The following COL6A6 variants were observed in gnomAD, a reference collection of about 807,000 sequenced individuals.
COL6A6 encodes collagen type VI alpha 6 chain.
Under a neutral mutation model 208.6 loss-of-function variants are expected in COL6A6, and 183 were observed. The ratio of observed to expected loss-of-function variants is 0.88; its 90% CI spans 0.78 to 0.99. The LOEUF is 0.99. COL6A6 is among the 50% of genes least tolerant of loss of function. COL6A6 has a pLI of 0.00. For missense variants in COL6A6, 2,816 were observed against 2,815.2 expected, an observed-to-expected ratio of 1.00 and a Z score of -0.01; for synonymous variants, 973 against 1,011.8, an observed-to-expected ratio of 0.96 and a Z score of 0.73.
chr3:130,596,124 T>G (rs1279062652), intron 18 of COL6A6, among the ~76,000 whole-genome samples: 1 of 151,512 alleles, frequency 6.6e-6, no homozygotes, highest in Non-Finnish European at 1.5e-5. Context: ...GCAACTGTAT[T>G]TAAAAACAGA....
chr3:130,520,521 G>A (rs1711006160), intron 1 of COL6A6, among the ~76,000 whole-genome samples: 1 of 152,176 alleles, frequency 6.6e-6, no homozygotes, highest in Non-Finnish European at 1.5e-5. Context: ...TATAAGTCAT[G>A]TACAGAAGAA....
At chr3:130,573,563 CTTTTT>C (rs55821593) in intron 7 of COL6A6, among the ~76,000 whole-genome samples, 2 of 84,534 alleles carry the variant, frequency 2.4e-5, no homozygotes, top group African/African-American at 4.0e-5. Flanking sequence ...TAGCTGCAAA[CTTTTT>C]TTTTTTTTTT....
At chr3:130,593,323 CTCAG>C (rs1319608982) in intron 17 of COL6A6, 71 bp downstream of exon 17, 12 of 1,181,818 alleles carry the variant, frequency 1.0e-5, no homozygotes, top group African/African-American at 1.5e-5. Context: ...GAGTAGAATA[CTCAG>C]TCAGCTATTG....
rs556684184 is a variant in COL6A6, at chr3:130,572,625, G to A, written c.2977+1232G>A. 1.1e-3 allele frequency among the ~76,000 whole-genome samples: 172 copies of A among 152,166 alleles called. 1 individual carries two copies. The highest frequency in any genetic ancestry group is 3.8e-3 in the African/African-American group (159 of 41,512). ...TTCCTTGTAGCCATTGTCTAAAATT[G>A]GATCTATCCTTCTCCAGTTCACTGT... On this transcript the variant is annotated intron_variant, in intron 7 of 36. Coordinates refer to ENST00000358511, the MANE Select transcript of COL6A6 (RefSeq NM_001102608.3).
At position 130,675,793 on chromosome 3, in the gene COL6A6, CTATT is replaced by C. The variant is rs1239905275; in HGVS notation, c.*399_*402del. Reference sequence around the variant, plus strand: ...TAATTTAGTAATGTCTAATGCTCATCTATTTAGTCAAAGTTATTTTTTAATGTTT... The same window carrying C: ...TAATTTAGTAATGTCTAATGCTCATCTAGTCAAAGTTATTTTTTAATGTTT... On this transcript the variant is annotated 3_prime_UTR_variant, in exon 37 of 37. Transcript: ENST00000358511. 2 of 155,528 alleles carry C rather than the reference CTATT, an allele frequency of 1.3e-5. No individual in the cohort carries two copies. The highest frequency in any genetic ancestry group is 4.8e-5 in the African/African-American group (2 of 41,550). 9.6% of individuals were successfully genotyped at this position (155,528 alleles called of 1,614,324 possible).
In COL6A6 at chr3:130,580,174, C is replaced by T. The variant is rs573179624; in HGVS notation, c.3548-1387C>T. 5.3e-5 allele frequency among the ~76,000 whole-genome samples: 8 copies of T among 152,256 alleles called. No individual in the cohort carries two copies. In the South Asian group the frequency reaches 1.7e-3, roughly 32 times the overall value. ...GGTTTTCTGCTCAGGTTTAAACAGT[C>T]ATCATCAAAAATGAAACTTTCAAGC... On this transcript the variant is annotated intron_variant, in intron 8 of 36. Coordinates refer to ENST00000358511, the MANE Select transcript of COL6A6 (RefSeq NM_001102608.3).
Position 130,526,250 on chromosome 3 carries a change from G to A in COL6A6, c.-32+8853G>A, listed in dbSNP as rs149580198. On this transcript the variant is annotated intron_variant, in intron 1 of 36. Coordinates refer to ENST00000358511, the MANE Select transcript of COL6A6 (RefSeq NM_001102608.3). ...AGAGATCTGAGTGAATATGGGAGGA[G>A]AATATGAGTCCCTCTTTGTGAAGTC... Among the ~76,000 whole-genome samples the A allele has an allele frequency of 2.6e-3, 395 of 152,230 alleles. 2 individuals carry two copies. The highest frequency in any genetic ancestry group is 0.012 in the South Asian group (56 of 4,820).
intron 12 of COL6A6, among the ~76,000 whole-genome samples, chr3:130,589,645 A>G (rs1309229863): frequency 1.3e-5 from 2 of 152,244 alleles, no homozygotes; most frequent in African/African-American, 2.4e-5. Flanking sequence ...TGTCTCATTC[A>G]TCTTAAGCCA....
In COL6A6 at chr3:130,565,408, G is replaced by A. The variant is rs199516958; in HGVS notation, c.1076G>A (p.Gly359Asp). The A allele has an allele frequency of 8.9e-4, 1,435 of 1,613,870 alleles. No homozygotes were observed. The highest frequency in any genetic ancestry group is 1.2e-3 in the Non-Finnish European group (1,363 of 1,179,860). Residue 359 changes from glycine to aspartate, a missense_variant, in exon 4 of 37, where the codon GGT (glycine) becomes GAT (aspartate). Coordinates refer to ENST00000358511, the MANE Select transcript of COL6A6 (RefSeq NM_001102608.3). ...GCAGCTGTTAACCTCCGACGGGAGG[G>A]TGTGACCATCTTCACCCTGGGCATA... is the stretch of plus-strand genomic sequence containing the variant. ...TKAAVNLRRE[G>D]VTIFTLGIEG...
intron 1 of COL6A6, among the ~76,000 whole-genome samples, chr3:130,549,461 G>C (rs931430214): frequency 3.3e-5 from 5 of 152,104 alleles, no homozygotes; most frequent in African/African-American, 1.2e-4. Context: ...TGAAATCTTT[G>C]CTAGGTCCCA....
intron 29 of COL6A6, among the ~76,000 whole-genome samples, chr3:130,642,020 T>C (rs2065325647): frequency 6.6e-6 from 1 of 152,152 alleles, no homozygotes; most frequent in South Asian, 2.1e-4. Context: ...TAAATGATCA[T>C]TGGATGAATG....
Position 130,649,235 on chromosome 3 carries a change from CCT to C in COL6A6, c.5410_5411del (p.Ser1804LeufsTer2). ...GCCCCGTGGGAGCGCACATCGCCAT[CCT>C]CTCCTATAACTCCCACGCCAGGCAC... Reference protein sequence around the residue: ...SCPVGAHIAILSYNSHARHLV... With the variant: ...SCPVGAHIAIXSYNSHARHLV... On this transcript the variant is annotated frameshift_variant, in exon 33 of 37. Coordinates refer to ENST00000358511, the MANE Select transcript of COL6A6 (RefSeq NM_001102608.3). LOFTEE classifies it high-confidence loss of function. The C allele has an allele frequency of 6.3e-7, 1 of 1,593,130 alleles. No individual in the cohort carries two copies. The highest frequency in any genetic ancestry group is 8.5e-7 in the Non-Finnish European group (1 of 1,169,956).
intron 33 of COL6A6, among the ~76,000 whole-genome samples, chr3:130,650,905 G>A (rs763803144): frequency 6.6e-6 from 1 of 152,186 alleles, no homozygotes; most frequent in Non-Finnish European, 1.5e-5. Context: ...TCACTCACCT[G>A]TGGAGGGTGA....
At position 130,675,644 on chromosome 3, in the gene COL6A6, A is replaced by C. The variant is rs1166907542; in HGVS notation, c.*247A>C. On this transcript the variant is annotated 3_prime_UTR_variant, in exon 37 of 37. Transcript: ENST00000358511. ...ACAGAAGAATGAAAGAAGTGTTTTGAAAAGTCTAATGGAGATATAATTTGA... is the reference window on the plus strand; with the variant it reads ...ACAGAAGAATGAAAGAAGTGTTTTGCAAAGTCTAATGGAGATATAATTTGA... 1 of 375,850 alleles carries C rather than the reference A, an allele frequency of 2.7e-6. No homozygotes were observed. Among genetic ancestry groups the C allele is most frequent in the East Asian group, 4.0e-5 (1 of 25,122 alleles). 23.3% of individuals were successfully genotyped at this position (375,850 alleles called of 1,614,324 possible).
At chr3:130,668,889 T>C (rs1168497151) in intron 36 of COL6A6, among the ~76,000 whole-genome samples, 2 of 152,148 alleles carry the variant, frequency 1.3e-5, no homozygotes, top group African/African-American at 4.8e-5. Context: ...AAGTAACAAA[T>C]GATTTAATAG....
At chr3:130,523,190 A>T (rs955306579) in intron 1 of COL6A6, among the ~76,000 whole-genome samples, 17 of 151,984 alleles carry the variant, frequency 1.1e-4, no homozygotes, top group Admixed American at 6.6e-5. Flanking sequence ...TTCTACCTAA[A>T]ACCATATTCT....
rs573743448 is a variant in COL6A6, at chr3:130,538,235, G to A, written c.-32+20838G>A. Among the ~76,000 whole-genome samples, 6 of 152,138 alleles carry A rather than the reference G, an allele frequency of 3.9e-5. No individual in the cohort carries two copies. The South Asian group carries it at 1.2e-3, about 32-fold the overall frequency. On this transcript the variant is annotated intron_variant, in intron 1 of 36. Transcript: ENST00000358511. Reference sequence around the variant, plus strand: ...AAAAAATTATACCTACTTTACAGGGGTACTCTCAGGGTTCAGGGAGATAAT... The same window carrying A: ...AAAAAATTATACCTACTTTACAGGGATACTCTCAGGGTTCAGGGAGATAAT...
intron 1 of COL6A6, among the ~76,000 whole-genome samples, chr3:130,525,767 A>G (rs2061948939): frequency 6.6e-6 from 1 of 152,002 alleles, no homozygotes; most frequent in Non-Finnish European, 1.5e-5. Context: ...TGCTTCCTTG[A>G]CCACGCCATT....
At chr3:130,614,014 T>C (rs1260027934) in intron 23 of COL6A6, among the ~76,000 whole-genome samples, 1 of 152,194 alleles carries the variant, frequency 6.6e-6, no homozygotes, top group African/African-American at 2.4e-5. Context: ...TATTTCCTTC[T>C]CTTGCCTGGT....
Sources: allele counts gnomAD v4.1 joint callset (sites outside exome capture counted in the v4.1 genomes callset), GRCh38; gene constraint gnomAD v4.1.1; transcripts MANE v1.5; gene names NCBI Gene and HGNC (gene_info 2026-07-23, HGNC 2026-07-21).